Variants in ARHGAP23 observed in about 807,000 individuals in gnomAD.
The protein encoded by ARHGAP23 is Rho GTPase activating protein 23.
Under a neutral mutation model 136.3 loss-of-function variants are expected in ARHGAP23, and 34 were observed. The observed-to-expected ratio is 0.25, with a 90% CI of 0.19 to 0.33. The LOEUF is 0.33. Among genes scored for constraint, ARHGAP23 ranks in the 10% least tolerant of loss-of-function variants. The pLI, the probability that ARHGAP23 is intolerant of heterozygous loss-of-function variation, is 1.00. For missense variants in ARHGAP23, 1,808 were observed against 2,139.0 expected (o/e 0.85, Z 3.05); for synonymous variants, 832 against 920.5 (o/e 0.90, Z 1.74).
intron 4 of ARHGAP23, 86 bp from the exon 5 acceptor site, chr17:38,463,030 CCA>C: frequency 6.5e-7 from 1 of 1,534,940 alleles, no homozygotes; most frequent in East Asian, 2.4e-5. Context: ...GCTCCTGTCC[CCA>C]CAGTGTTAGC....
intron 15 of ARHGAP23, 139 bp downstream of exon 15, chr17:38,482,282 G>A: frequency 7.1e-7 from 1 of 1,412,552 alleles, no homozygotes; most frequent in East Asian, 2.5e-5. Flanking sequence ...AGAGGGGAAG[G>A]CCCCCGCCTG....
At chr17:38,435,114 AC>A (rs1451066720) in intron 1 of ARHGAP23, among the ~76,000 whole-genome samples, 19 of 152,314 alleles carry the variant, frequency 1.2e-4, no homozygotes, top group East Asian at 1.9e-4. Flanking sequence ...TCATGGGGAA[AC>A]TGAGGCCTAG....
upstream of ARHGAP23, among the ~76,000 whole-genome samples, chr17:38,427,715 C>G (rs2038589721): frequency 6.6e-6 from 1 of 152,148 alleles, no homozygotes; most frequent in Non-Finnish European, 1.5e-5. Context: ...CCAGGACTGG[C>G]TGGGTGGGGG....
At chr17:38,507,454 C>G (rs901993266) in intron 23 of ARHGAP23, among the ~76,000 whole-genome samples, 1 of 152,110 alleles carries the variant, frequency 6.6e-6, no homozygotes, top group Admixed American at 6.6e-5. Context: ...GTCCTTGTCA[C>G]TTCCGTCCAT....
chr17:38,465,448 G>A (rs2039566722), intron 6 of ARHGAP23, among the ~76,000 whole-genome samples: 1 of 152,224 alleles, frequency 6.6e-6, no homozygotes. Flanking sequence ...CAGCTCAGCA[G>A]GGGCCAGGCT....
chr17:38,474,365 A>G (rs558987492), intron 11 of ARHGAP23, among the ~76,000 whole-genome samples: 1 of 152,270 alleles, frequency 6.6e-6, no homozygotes, highest in South Asian at 2.1e-4. Context: ...CGGGTGGAGC[A>G]GACACTTTAG....
chr17:38,426,550 C>CAAAAAAA (rs751365956), upstream of ARHGAP23, among the ~76,000 whole-genome samples: 110 of 51,216 alleles, frequency 2.1e-3, 5 homozygotes, highest in African/African-American at 7.1e-3. Flanking sequence ...AACTCCATCT[C>CAAAAAAA]AAAAAAAAAA....
intron 1 of ARHGAP23, among the ~76,000 whole-genome samples, chr17:38,420,838 G>A (rs988578297): frequency 1.9e-4 from 29 of 152,114 alleles, no homozygotes; most frequent in Non-Finnish European, 4.0e-4. Flanking sequence ...TAGTGGTAGG[G>A]CGGGGAGGGA....
At chr17:38,506,714 G>A (rs1409536903) in intron 23 of ARHGAP23, among the ~76,000 whole-genome samples, 1 of 152,162 alleles carries the variant, frequency 6.6e-6, no homozygotes, top group Admixed American at 6.6e-5. Context: ...CCATCAAAAG[G>A]TCCCACCTTC....
chr17:38,458,323 T>G (rs1331062032), intron 2 of ARHGAP23, 60 bp downstream of exon 2: 1 of 1,450,476 alleles, frequency 6.9e-7, no homozygotes, highest in Non-Finnish European at 9.1e-7. Flanking sequence ...GGGAGACTCT[T>G]TTGTGCCAGT....
chr17:38,498,357 G>A, intron 21 of ARHGAP23, 57 bp from the exon 22 acceptor site: 1 of 1,410,582 alleles, frequency 7.1e-7, no homozygotes, highest in Non-Finnish European at 9.6e-7. Flanking sequence ...CCCCCTCTGG[G>A]GGGTTGGCAG....
At chr17:38,493,226 A>G (rs2040318417) in intron 20 of ARHGAP23, among the ~76,000 whole-genome samples, 4 of 137,460 alleles carry the variant, frequency 2.9e-5, no homozygotes, top group Admixed American at 7.6e-5. Flanking sequence ...TTTTTTTGAT[A>G]GAGTCTCAGT....
chr17:38,442,440 A>T (rs2038940775), intron 1 of ARHGAP23, among the ~76,000 whole-genome samples: 1 of 152,196 alleles, frequency 6.6e-6, no homozygotes, highest in Non-Finnish European at 1.5e-5. Flanking sequence ...TGTGCAGAGC[A>T]CCCACCCTGG....
chr17:38,493,310 T>A (rs1191570040), intron 20 of ARHGAP23, among the ~76,000 whole-genome samples: 1 of 151,644 alleles, frequency 6.6e-6, no homozygotes, highest in Non-Finnish European at 1.5e-5. Flanking sequence ...CATCTCAGCC[T>A]CCTGAGTAGC....
At chr17:38,462,789 G>C (rs1164534148) in intron 3 of ARHGAP23, 57 bp from the exon 4 acceptor site, 1 of 1,244,718 alleles carries the variant, frequency 8.0e-7, no homozygotes, top group African/African-American at 1.5e-5. Context: ...GTGTGTAGCT[G>C]TGCATGGGTG....
Position 38,471,927 on chromosome 17 carries a change from A to C in ARHGAP23, c.2039A>C (p.Asp680Ala), listed in dbSNP as rs2039769625. The C allele has an allele frequency of 1.0e-5, 16 of 1,549,332 alleles. No individual in the cohort carries two copies. Among genetic ancestry groups the C allele is most frequent in the Non-Finnish European group, 1.4e-5 (16 of 1,146,780 alleles). ...DAPSKRHSTS[D>A]LSDATFSDIR... ...CCTTCTAAGCGACACTCAACCTCTG[A>C]CCTCTCAGATGCGACCTTCAGCGAT... Residue 680 changes from aspartate (D) to alanine (A), a missense_variant, in exon 11 of 24, where the codon GAC becomes GCC. Around this residue, in one of 7 missense-constraint regions of ARHGAP23, gnomAD observed 139 missense variants for 264.3 expected, o/e 0.53. Transcript: ENST00000622683.
intron 7 of ARHGAP23, among the ~76,000 whole-genome samples, chr17:38,468,793 T>C (rs900036258): frequency 2.0e-5 from 3 of 152,094 alleles, no homozygotes; most frequent in African/African-American, 7.2e-5. Flanking sequence ...CAGGAGGCTC[T>C]TGGTCTGAGA....
intron 1 of ARHGAP23, among the ~76,000 whole-genome samples, chr17:38,447,334 C>T (rs71384223): frequency 0.022 from 3,088 of 140,228 alleles, 122 homozygotes; most frequent in African/African-American, 0.078. Flanking sequence ...CCCAGCTACT[C>T]GGGAGGCTGA....
At chr17:38,428,692 G>A in intron 1 of ARHGAP23, 144 bp downstream of exon 1, 1 of 496,124 alleles carries the variant, frequency 2.0e-6, no homozygotes, top group East Asian at 3.8e-5. Flanking sequence ...GCTGCGGGGA[G>A]ATTCAGCTGG....
Sources: allele counts gnomAD v4.1 joint callset (sites outside exome capture counted in the v4.1 genomes callset), GRCh38; gene constraint gnomAD v4.1.1; regional missense constraint gnomAD v4.1.1; transcripts MANE v1.5; gene names NCBI Gene and HGNC (gene_info 2026-07-23, HGNC 2026-07-21).